HSD3B7: variants seen among roughly 807,000 people sequenced by gnomAD.
HSD3B7 encodes the protein 3 beta-hydroxysteroid dehydrogenase type 7.
Under a neutral mutation model 34.3 loss-of-function variants are expected in HSD3B7, and 35 were observed. The observed-to-expected ratio is 1.02, with a 90% CI of 0.78 to 1.35. The LOEUF (loss-of-function observed/expected upper bound fraction) is 1.35, where lower values mean the gene tolerates loss of function less well. Among genes scored for constraint, HSD3B7 ranks in the 40% most tolerant of loss-of-function variants. The pLI is 0.00. For synonymous variants in HSD3B7, 217 were observed against 220.1 expected, an observed-to-expected ratio of 0.99 and a Z score of 0.13; for missense variants, 426 against 504.7, an observed-to-expected ratio of 0.84 and a Z score of 1.49.
chr16:30,985,500 A>T (rs1311760801), intron 1 of HSD3B7, 153 bp from the exon 2 acceptor site: 2 of 1,506,800 alleles, frequency 1.3e-6, no homozygotes, highest in Admixed American at 4.0e-5. Context: ...GCAGGGGCAG[A>T]CGGCAGGTGG....
chr16:30,986,208 A>G lies in HSD3B7; in HGVS notation c.322+4A>G. The G allele has an allele frequency of 6.2e-7, 1 of 1,613,596 alleles. No homozygotes were observed. Among genetic ancestry groups the G allele is most frequent in the Non-Finnish European group, 8.5e-7 (1 of 1,179,842 alleles). ...ATCCATGAGGTCAACGTGCAGGGTG[A>G]GGAGCTCTGGACACTCCTGGCCATC... On this transcript the variant is annotated splice_donor_region_variant and intron_variant, in intron 3 of 6. Coordinates refer to ENST00000297679, the MANE Select transcript of HSD3B7 (RefSeq NM_025193.4).
At position 30,986,656 on chromosome 16, in the gene HSD3B7, C is replaced by G. The variant is rs757771601; in HGVS notation, c.483C>G (p.Cys161Trp). ...CAGTGCACAGGCACCCCTATCCTTG[C>G]AGCAAGGCCCTGGCCGAGTGGCTGG... ...YEAVHRHPYP[C>W]SKALAEWLVL... is the part of the protein sequence containing the mutation. Residue 161 changes from cysteine (C) to tryptophan (W), a missense_variant, in exon 5 of 7, where the codon TGC becomes TGG. Coordinates refer to ENST00000297679, the MANE Select transcript of HSD3B7 (RefSeq NM_025193.4). The G allele has an allele frequency of 6.2e-7, 1 of 1,614,210 alleles. No individual in the cohort carries two copies. The highest frequency in any genetic ancestry group is 1.1e-5 in the South Asian group (1 of 91,090).
chr16:30,987,406 C>T (rs916193027), intron 6 of HSD3B7: 3 of 426,350 alleles, frequency 7.0e-6, no homozygotes, highest in Admixed American at 3.6e-5. Flanking sequence ...ATGACCGCAC[C>T]ACTGCACTCC....
Position 30,987,220 on chromosome 16 carries a change from A to G in HSD3B7, c.694+218A>G, listed in dbSNP as rs556366464. 3.5e-5 allele frequency: 21 copies of G among 592,772 alleles called. No homozygotes were observed. In the East Asian group the frequency reaches 6.0e-4, roughly 17 times the overall value. The allele number at this position is 592,772 out of a possible 1,614,324, so 36.7% of individuals were successfully genotyped here. A position where few individuals can be genotyped will look rare whatever the true frequency, so the allele number is the denominator to read the frequency against. ...GACATTAAAAAGTGTATCATAGGCTACAGAGAAGATTGCAGCTATGGGAGC... is the reference window on the plus strand; with the variant it reads ...GACATTAAAAAGTGTATCATAGGCTGCAGAGAAGATTGCAGCTATGGGAGC... On this transcript the variant is annotated intron_variant, in intron 6 of 6. Transcript: ENST00000297679.
intron 1 of HSD3B7, 105 bp downstream of exon 1, chr16:30,985,402 C>T: frequency 1.4e-6 from 2 of 1,388,142 alleles, no homozygotes; most frequent in Non-Finnish European, 1.9e-6. Context: ...GGCCTCCCCA[C>T]CCTTTTACTG....
At position 30,985,781 on chromosome 16, in the gene HSD3B7, C is replaced by T; in HGVS notation, c.123C>T (p.Val41=). Residue 41 remains valine (V), a synonymous_variant, in exon 2 of 7, where the codon GTC becomes GTT. Coordinates refer to ENST00000297679, the MANE Select transcript of HSD3B7 (RefSeq NM_025193.4). The part of the protein sequence containing the change: ...QREPRLGELR[V]FDQHLGPWLE... ...AGCCCCGGCTCGGGGAGCTGCGGGT[C>T]TTTGACCAACACCTGGGTCCCTGGC... 6.2e-7 allele frequency: 1 copy of T among 1,602,988 alleles called. No individual in the cohort carries two copies. The highest frequency in any genetic ancestry group is 1.1e-5 in the South Asian group (1 of 89,240).
At chr16:30,987,197 C>A in intron 6 of HSD3B7, 195 bp downstream of exon 6, 2 of 629,072 alleles carry the variant, frequency 3.2e-6, no homozygotes, top group South Asian at 2.0e-5. Flanking sequence ...CAAGTTGGGA[C>A]ATTAAAAAGT....
rs769444237 is a variant in HSD3B7 at position 30,988,186 on chromosome 16, G to C, written c.*3G>C. On this transcript the variant is annotated 3_prime_UTR_variant, in exon 7 of 7. Coordinates refer to ENST00000297679, the MANE Select transcript of HSD3B7 (RefSeq NM_025193.4). ...CCGCTACGGGTTCAGCCCAGTGACG[G>C]TGGGGCTGGGGCCTGGAGGCCCAGA... 1 of 1,589,792 alleles carries C rather than the reference G, an allele frequency of 6.3e-7. No individual in the cohort carries two copies. Among genetic ancestry groups the C allele is most frequent in the Non-Finnish European group, 8.5e-7 (1 of 1,173,090 alleles).
chr16:30,988,373 C>A lies in HSD3B7; in HGVS notation c.*190C>A. 1 of 609,978 alleles carries A rather than the reference C, an allele frequency of 1.6e-6. No homozygotes were observed. The highest frequency in any genetic ancestry group is 2.9e-6 in the Non-Finnish European group (1 of 348,716). The allele number at this position is 609,978 out of a possible 1,614,324, so 37.8% of individuals were successfully genotyped here. A position where few individuals can be genotyped will look rare whatever the true frequency, so the allele number is the denominator to read the frequency against. On this transcript the variant is annotated 3_prime_UTR_variant, in exon 7 of 7. Transcript: ENST00000297679. Reference sequence around the variant, plus strand: ...TTTGAGACAGGGTCTTGCTCTGTCACCCAGACTGGAGTGCAGTGGTGTGAT... The same window carrying A: ...TTTGAGACAGGGTCTTGCTCTGTCAACCAGACTGGAGTGCAGTGGTGTGAT...
In HSD3B7 at chr16:30,985,730, C is replaced by T. The variant is rs756448722; in HGVS notation, c.72C>T (p.His24=). 16 of 1,608,426 alleles carry T rather than the reference C, an allele frequency of 9.9e-6. No homozygotes were observed. Among genetic ancestry groups the T allele is most frequent in the South Asian group, 2.2e-5 (2 of 90,158 alleles). ...GGGGCTGTGGCTTCCTGGGAGAGCA[C>T]GTGGTGCGAATGCTGCTGCAGCGGG... ...VTGGCGFLGE[H]VVRMLLQREP... Residue 24 remains histidine (H), a synonymous_variant, in exon 2 of 7, where the codon CAC becomes CAT. Coordinates refer to ENST00000297679, the MANE Select transcript of HSD3B7 (RefSeq NM_025193.4).
chr16:30,987,795 C>T lies in HSD3B7; in HGVS notation c.722C>T (p.Ala241Val). The T allele has an allele frequency of 6.2e-7, 1 of 1,612,944 alleles. No individual in the cohort carries two copies. The change falls in exon 7 of 7, where the codon GCA becomes GTA. Residue 241 changes from alanine (A) to valine (V), a missense_variant. By Grantham distance (64) the Ala-to-Val change is moderately conservative. Coordinates refer to ENST00000297679, the MANE Select transcript of HSD3B7 (RefSeq NM_025193.4). ...VGNVAWMHVL[A>V]ARELEQRATL... ...AATGTTGCCTGGATGCACGTGCTGG[C>T]AGCCCGGGAGCTGGAGCAGCGGGCA...
intron 5 of HSD3B7, 52 bp from the exon 6 acceptor site, chr16:30,986,788 G>A (rs1188290617): frequency 3.1e-6 from 5 of 1,613,368 alleles, no homozygotes; most frequent in Admixed American, 1.7e-5. Flanking sequence ...GGCCGGGGCC[G>A]AGAGCAAGCT....
At chr16:30,986,260 T>A (rs775474740) in intron 3 of HSD3B7, 56 bp downstream of exon 3, 1 of 1,596,372 alleles carries the variant, frequency 6.3e-7, no homozygotes, top group South Asian at 1.1e-5. Flanking sequence ...CACTCTGTCT[T>A]TGGCCTTGAC....
In HSD3B7 at chr16:30,986,517, T is replaced by G. The variant is rs754374175; in HGVS notation, c.417T>G (p.Gly139=). 2 of 1,613,972 alleles carry G rather than the reference T, an allele frequency of 1.2e-6. No individual in the cohort carries two copies. The highest frequency in any genetic ancestry group is 4.5e-5 in the East Asian group (2 of 44,876). The part of the protein sequence containing the change: ...SMEVVGPNTK[G]HPFYRGNEDT... ...AAGTTGTGGGGCCTAACACCAAAGG[T>G]CACCCCTTCTACAGGTGAGTGGCAG... The change falls in exon 4 of 7, where the codon GGT becomes GGG. Residue 139 remains glycine, a synonymous_variant. Coordinates refer to ENST00000297679, the MANE Select transcript of HSD3B7 (RefSeq NM_025193.4).
rs1490403637 is a variant in HSD3B7 at position 30,988,221 on chromosome 16, T to A, written c.*38T>A. ...GGCCTGGAGGCCCAGATACAGCACA[T>A]CCACCCAGGTCCCGAGCCCTCACAC... On this transcript the variant is annotated 3_prime_UTR_variant, in exon 7 of 7. Coordinates refer to ENST00000297679, the MANE Select transcript of HSD3B7 (RefSeq NM_025193.4). 6.5e-7 allele frequency: 1 copy of A among 1,547,356 alleles called. No homozygotes were observed. Among genetic ancestry groups the A allele is most frequent in the Admixed American group, 1.9e-5 (1 of 52,602 alleles).
intron 1 of HSD3B7, 104 bp from the exon 2 acceptor site, chr16:30,985,549 C>A (rs2143622859): frequency 6.5e-7 from 1 of 1,532,054 alleles, no homozygotes; most frequent in African/African-American, 1.4e-5. Context: ...TCTGCCCTCC[C>A]CGCAAACGCC....
rs948795612 is a variant in HSD3B7 at position 30,988,240 on chromosome 16, C to T, written c.*57C>T. ...AGCACATCCACCCAGGTCCCGAGCCCTCACACCCTGGACGGGAAGGGACAG... is the reference window on the plus strand; with the variant it reads ...AGCACATCCACCCAGGTCCCGAGCCTTCACACCCTGGACGGGAAGGGACAG... On this transcript the variant is annotated 3_prime_UTR_variant, in exon 7 of 7. Coordinates refer to ENST00000297679, the MANE Select transcript of HSD3B7 (RefSeq NM_025193.4). The T allele has an allele frequency of 1.9e-5, 29 of 1,508,414 alleles. No individual in the cohort carries two copies. The highest frequency in any genetic ancestry group is 2.8e-5 in the African/African-American group (2 of 72,358). The allele number at this position is 1,508,414 out of a possible 1,614,324, so 93.4% of individuals were successfully genotyped here. A position where few individuals can be genotyped will look rare whatever the true frequency, so the allele number is the denominator to read the frequency against.
intron 1 of HSD3B7, 24 bp downstream of exon 1, chr16:30,985,321 C>A: frequency 8.1e-7 from 1 of 1,230,442 alleles, no homozygotes; most frequent in South Asian, 1.6e-5. Flanking sequence ...CTGCCAGTGC[C>A]CAGGTGGCCT....
chr16:30,985,909 A>G, intron 2 of HSD3B7, 85 bp downstream of exon 2: 1 of 1,583,800 alleles, frequency 6.3e-7, no homozygotes, highest in Non-Finnish European at 8.6e-7. Flanking sequence ...CCTGCAGTGG[A>G]ACAGATGATG....
Sources: allele counts gnomAD v4.1 joint callset, GRCh38; gene constraint gnomAD v4.1.1; transcripts MANE v1.5; gene names NCBI Gene and HGNC (gene_info 2026-07-23, HGNC 2026-07-21).